DMXL1: variants seen among roughly 807,000 people sequenced by gnomAD.
The protein encoded by DMXL1 is dmX-like protein 1.
A neutral mutation model predicts 319.2 loss-of-function variants in DMXL1; 99 were observed. That is an observed-to-expected ratio of 0.31 (90% CI 0.26 to 0.37). DMXL1 has a LOEUF of 0.37. DMXL1 is among the 10% of genes least tolerant of loss of function. The pLI is 1.00. For synonymous variants in DMXL1, 1,385 were observed against 1,235.2 expected, an observed-to-expected ratio of 1.12 and a Z score of -2.54; for missense variants, 3,745 against 3,595.6, an observed-to-expected ratio of 1.04 and a Z score of -1.06.
chr5:119,134,354 A>C lies in DMXL1; in HGVS notation c.2341A>C (p.Lys781Gln), dbSNP rs1765542501. The C allele has an allele frequency of 2.5e-6, 4 of 1,613,382 alleles. No homozygotes were observed. The highest frequency in any genetic ancestry group is 3.4e-6 in the Non-Finnish European group (4 of 1,179,808). ...ATATGAAGCAGTTATTGATGCTAAGAAACTTTTATCTGAGCTTTCTAACCC... is the reference window on the plus strand; with the variant it reads ...ATATGAAGCAGTTATTGATGCTAAGCAACTTTTATCTGAGCTTTCTAACCC... ...RLYEAVIDAK[K>Q]LLSELSNPEI... is the part of the protein sequence containing the mutation. Residue 781 changes from lysine (K) to glutamine (Q), a missense_variant, in exon 13 of 44, where the codon AAA becomes CAA. Lys to Gln is a moderately conservative substitution (Grantham distance 53). Coordinates refer to ENST00000539542, the MANE Select transcript of DMXL1 (RefSeq NM_001290321.3).
intron 9 of DMXL1, among the ~76,000 whole-genome samples, chr5:119,124,536 C>G (rs1763056777): frequency 6.8e-6 from 1 of 147,432 alleles, no homozygotes; most frequent in Non-Finnish European, 1.5e-5. Context: ...ACATATGTTA[C>G]TAGTTCCTTT....
chr5:119,132,667 T>G (rs1765183796), intron 10 of DMXL1: 3 of 413,582 alleles, frequency 7.3e-6, no homozygotes, highest in Non-Finnish European at 1.4e-5. Flanking sequence ...AGAGTAAGAC[T>G]CCGTCTCAAA....
At chr5:119,099,606 A>G (rs1203607157) in intron 2 of DMXL1, among the ~76,000 whole-genome samples, 2 of 152,172 alleles carry the variant, frequency 1.3e-5, no homozygotes, top group African/African-American at 4.8e-5. Flanking sequence ...GCTTAATACC[A>G]TCTGGACTCA....
chr5:119,144,802 A>G (rs1288717594), intron 15 of DMXL1, among the ~76,000 whole-genome samples, 164 bp downstream of exon 15: 1 of 151,786 alleles, frequency 6.6e-6, no homozygotes, highest in Non-Finnish European at 1.5e-5. Flanking sequence ...TTTTATTCTT[A>G]ACCAGGTAAT....
intron 29 of DMXL1, among the ~76,000 whole-genome samples, chr5:119,191,743 G>C (rs898562542): frequency 1.3e-5 from 2 of 152,104 alleles, no homozygotes; most frequent in African/African-American, 2.4e-5. Context: ...GAATTTTAAA[G>C]ACAATCCTGT....
rs904213529 is a variant in DMXL1, at chr5:119,171,064, A to T, written c.6273A>T (p.Glu2091Asp). ...TACAGTCTGCATTTGGCAGAAATGA[A>T]GATGAATTTGGATTAAATGAGGATG... ...EELQSAFGRN[E>D]DEFGLNEDAE... Residue 2091 changes from glutamate (E) to aspartate (D), a missense_variant, in exon 24 of 44, where the codon GAA becomes GAT. By Grantham distance (45) the Glu-to-Asp change is conservative (BLOSUM62 2). Coordinates refer to ENST00000539542, the MANE Select transcript of DMXL1 (RefSeq NM_001290321.3). 2 of 1,613,916 alleles carry T rather than the reference A, an allele frequency of 1.2e-6. No homozygotes were observed. Among genetic ancestry groups the T allele is most frequent in the Non-Finnish European group, 1.7e-6 (2 of 1,179,868 alleles).
At chr5:119,158,001 A>G (rs991462916) in intron 19 of DMXL1, among the ~76,000 whole-genome samples, 10 of 152,092 alleles carry the variant, frequency 6.6e-5, no homozygotes, top group African/African-American at 1.4e-4. Flanking sequence ...TGTGTCTTCA[A>G]ATTTCTTTCA....
intron 23 of DMXL1, among the ~76,000 whole-genome samples, chr5:119,169,850 A>C (rs2150255658): frequency 6.6e-6 from 1 of 152,312 alleles, no homozygotes; most frequent in East Asian, 1.9e-4. Context: ...AGAGAAGATG[A>C]GGAGGACTAG....
At chr5:119,118,712 G>T in intron 7 of DMXL1, 103 bp from the exon 8 acceptor site, 1 of 830,692 alleles carries the variant, frequency 1.2e-6, no homozygotes, top group Non-Finnish European at 1.9e-6. Context: ...TTCTTCATTG[G>T]TACCTTAGTT....
At chr5:119,160,837 C>T in intron 19 of DMXL1, among the ~76,000 whole-genome samples, 1 of 152,006 alleles carries the variant, frequency 6.6e-6, no homozygotes, top group East Asian at 1.9e-4. Flanking sequence ...TACCCCTATT[C>T]TATTTCGGTT....
chr5:119,219,871 A>G (rs1784357494), intron 35 of DMXL1, among the ~76,000 whole-genome samples: 1 of 152,044 alleles, frequency 6.6e-6, no homozygotes, highest in African/African-American at 2.4e-5. Flanking sequence ...CCCAGCCAAG[A>G]TGTACATTTT....
chr5:119,123,084 C>G (rs1032022768), intron 9 of DMXL1, among the ~76,000 whole-genome samples: 1 of 152,080 alleles, frequency 6.6e-6, no homozygotes, highest in Non-Finnish European at 1.5e-5. Flanking sequence ...GTGGATCACT[C>G]GTGGTTAGGA....
At position 119,202,866 on chromosome 5, in the gene DMXL1, T is replaced by C. The variant is rs527840716; in HGVS notation, c.7746-453T>C. Among the ~76,000 whole-genome samples, 794 of 101,338 alleles carry C rather than the reference T, an allele frequency of 7.8e-3. 13 individuals carry two copies. The highest frequency in any genetic ancestry group is 0.025 in the African/African-American group (752 of 29,502). 66.5% of individuals were successfully genotyped at this position (101,338 alleles called of 152,430 possible). On this transcript the variant is annotated intron_variant, in intron 32 of 43. Coordinates refer to ENST00000539542, the MANE Select transcript of DMXL1 (RefSeq NM_001290321.3). ...ATTCCATCTCAAAAATATACATACA[T>C]ATATATATATATATATTTTTATATA... is the stretch of plus-strand genomic sequence containing the variant.
intron 3 of DMXL1, among the ~76,000 whole-genome samples, chr5:119,104,797 A>G (rs932037315): frequency 6.6e-6 from 1 of 152,234 alleles, no homozygotes; most frequent in Non-Finnish European, 1.5e-5. Context: ...ATTTTCCCAC[A>G]TACTATTATG....
In DMXL1 at chr5:119,146,854, T is replaced by C. The variant is rs1768661495; in HGVS notation, c.2587T>C (p.Phe863Leu). 6.2e-7 allele frequency: 1 copy of C among 1,611,418 alleles called. No homozygotes were observed. The highest frequency in any genetic ancestry group is 1.3e-5 in the African/African-American group (1 of 74,770). ...ACCAACAGGCAGCTCACCTAATGGA[T>C]TTTCTGAGAAGTTCTACCTAATTGT... is the stretch of plus-strand genomic sequence containing the variant. Reference protein sequence around the residue: ...LSNAGSSPNGFSEKFYLIVIE... With the variant: ...LSNAGSSPNGLSEKFYLIVIE... Residue 863 changes from phenylalanine to leucine, a missense_variant, in exon 16 of 44, where the codon TTT becomes CTT. This residue lies in a region of DMXL1 where 2,096 missense variants were observed against 1,985.4 expected (regional missense o/e 1.06). Transcript: ENST00000539542.
intron 20 of DMXL1, 101 bp downstream of exon 20, chr5:119,164,777 A>T: frequency 9.5e-7 from 1 of 1,053,354 alleles, no homozygotes; most frequent in South Asian, 2.1e-5. Flanking sequence ...CTTGTTTTTG[A>T]AGCAGCAAAA....
intron 1 of DMXL1, among the ~76,000 whole-genome samples, chr5:119,079,677 A>G (rs1345733229): frequency 6.6e-6 from 1 of 151,006 alleles, no homozygotes; most frequent in Non-Finnish European, 1.5e-5. Context: ...TCTCTTTGGC[A>G]TTTGTCATGT....
At chr5:119,220,739 G>A in intron 36 of DMXL1, 146 bp downstream of exon 36, 1 of 1,192,606 alleles carries the variant, frequency 8.4e-7, no homozygotes, top group Non-Finnish European at 1.2e-6. Context: ...GGTGGCAAGA[G>A]CTTTAAATAA....
At chr5:119,098,256 C>T (rs1448942178) in intron 2 of DMXL1, 152 bp downstream of exon 2, 3 of 689,644 alleles carry the variant, frequency 4.4e-6, no homozygotes, top group East Asian at 6.2e-5. Flanking sequence ...AAGATGCATT[C>T]TATAGAGTGC....
Sources: allele counts gnomAD v4.1 joint callset (sites outside exome capture counted in the v4.1 genomes callset), GRCh38; gene constraint gnomAD v4.1.1; regional missense constraint gnomAD v4.1.1; transcripts MANE v1.5; gene names NCBI Gene and HGNC (gene_info 2026-07-23, HGNC 2026-07-21).